CD244: variants seen among roughly 807,000 people sequenced by gnomAD.
CD244 encodes CD244 molecule.
Under a neutral mutation model 45.5 loss-of-function variants are expected in CD244, and 20 were observed. That is an observed-to-expected ratio of 0.44 (90% CI 0.31 to 0.64). The LOEUF is 0.64. Among genes scored for constraint, CD244 ranks in the 30% least tolerant of loss-of-function variants. CD244 has a pLI of 0.08. For missense variants in CD244, 407 were observed against 426.9 expected, an observed-to-expected ratio of 0.95 and a Z score of 0.41; for synonymous variants, 185 against 160.5, an observed-to-expected ratio of 1.15 and a Z score of -1.15.
At chr1:160,852,587 G>T (rs1159680450) in intron 1 of CD244, among the ~76,000 whole-genome samples, 1 of 152,098 alleles carries the variant, frequency 6.6e-6, no homozygotes, top group Admixed American at 6.5e-5. Flanking sequence ...AAATTCCAAG[G>T]GTTGACAGAG....
At chr1:160,833,661 C>G (rs1669218522) in intron 7 of CD244, among the ~76,000 whole-genome samples, 1 of 152,202 alleles carries the variant, frequency 6.6e-6, no homozygotes, top group Non-Finnish European at 1.5e-5. Context: ...GTCTACTCCT[C>G]CAGCTCCAGG....
At chr1:160,853,532 A>G (rs1204652315) in intron 1 of CD244, among the ~76,000 whole-genome samples, 1 of 152,182 alleles carries the variant, frequency 6.6e-6, no homozygotes, top group East Asian at 1.9e-4. Flanking sequence ...GTAAAAAAGC[A>G]GAAAAAGAGT....
At chr1:160,853,369 G>A (rs1449449290) in intron 1 of CD244, among the ~76,000 whole-genome samples, 1 of 152,106 alleles carries the variant, frequency 6.6e-6, no homozygotes, top group South Asian at 2.1e-4. Flanking sequence ...TTGCAGGAGG[G>A]GGGTTATCAA....
intron 1 of CD244, among the ~76,000 whole-genome samples, chr1:160,852,765 G>A (rs1669962556): frequency 2.0e-5 from 3 of 151,964 alleles, no homozygotes; most frequent in Admixed American, 6.6e-5. Flanking sequence ...GCTCATGCCT[G>A]TAATCCCAGC....
At chr1:160,832,408 C>G (rs1326042220) in intron 8 of CD244, 111 bp downstream of exon 8, 2 of 710,640 alleles carry the variant, frequency 2.8e-6, no homozygotes, top group Admixed American at 2.4e-5. Flanking sequence ...TCTAAATTCC[C>G]TACAACTCTG....
chr1:160,838,563 G>A (rs1669413716), intron 4 of CD244, 45 bp from the exon 5 acceptor site: 1 of 1,406,430 alleles, frequency 7.1e-7, no homozygotes, highest in East Asian at 2.3e-5. Context: ...GAAACCTCCA[G>A]AAGGGCTTTT....
intron 1 of CD244, among the ~76,000 whole-genome samples, chr1:160,845,728 C>T (rs188133315): frequency 6.6e-6 from 1 of 152,054 alleles, no homozygotes; most frequent in African/African-American, 2.4e-5. Flanking sequence ...TGGTGGTGCA[C>T]ACCTGTAATC....
At chr1:160,858,896 C>T (rs1670198946) in intron 1 of CD244, among the ~76,000 whole-genome samples, 1 of 152,142 alleles carries the variant, frequency 6.6e-6, no homozygotes, top group South Asian at 2.1e-4. Flanking sequence ...TGACTTGTGG[C>T]AGGTACTGCT....
chr1:160,860,016 G>A (rs773485182), intron 1 of CD244, among the ~76,000 whole-genome samples: 22 of 151,916 alleles, frequency 1.4e-4, no homozygotes, highest in Non-Finnish European at 2.5e-4. Flanking sequence ...AGACCAGCCT[G>A]GCCAACATGG....
intron 4 of CD244, 112 bp downstream of exon 4, chr1:160,838,827 C>T (rs533756325): frequency 1.1e-5 from 8 of 722,352 alleles, no homozygotes; most frequent in South Asian, 9.3e-5. Flanking sequence ...TACCAAAGCT[C>T]GTTGAGGAAA....
intron 1 of CD244, 84 bp downstream of exon 1, chr1:160,862,533 C>A (rs750732225): frequency 1.8e-4 from 229 of 1,238,134 alleles, no homozygotes; most frequent in Non-Finnish European, 2.5e-4. Flanking sequence ...GTATGTGGCA[C>A]AAGCAGAGGC....
rs141666944 is a variant in CD244 at position 160,836,318 on chromosome 1, G to A, written c.835-64C>T. ...TTCGGTCTGTCCAGATTTAGATTGA[G>A]TGGGGAAAAACAGCACAAAGAAGAG... On this transcript the variant is annotated intron_variant, in intron 5 of 8. Transcript: ENST00000368034. The A allele has an allele frequency of 6.1e-6, 8 of 1,315,212 alleles. No homozygotes were observed. In the East Asian group the frequency reaches 1.2e-4, roughly 19 times the overall value. The allele number at this position is 1,315,212 out of a possible 1,614,324, so 81.5% of individuals were successfully genotyped here.
chr1:160,842,865 A>G (rs562122566), intron 1 of CD244, among the ~76,000 whole-genome samples: 3 of 152,202 alleles, frequency 2.0e-5, no homozygotes, highest in Non-Finnish European at 2.9e-5. Flanking sequence ...TCAGTGTACA[A>G]AACTGGAAGT....
At chr1:160,849,302 TA>T (rs1236330042) in intron 1 of CD244, among the ~76,000 whole-genome samples, 8 of 140,144 alleles carry the variant, frequency 5.7e-5, no homozygotes, top group African/African-American at 1.7e-4. Flanking sequence ...TTTTTTGTTT[TA>T]CTTTAAGTTC....
intron 1 of CD244, among the ~76,000 whole-genome samples, chr1:160,842,690 C>A (rs1487475727): frequency 6.6e-6 from 1 of 152,096 alleles, no homozygotes; most frequent in Non-Finnish European, 1.5e-5. Flanking sequence ...TTGATGTTTG[C>A]CAGTTTTTCA....
intron 1 of CD244, chr1:160,848,201 G>T: frequency 1.9e-6 from 1 of 532,336 alleles, no homozygotes; most frequent in South Asian, 1.4e-5. Flanking sequence ...GTGCCAGGAT[G>T]TTGACATCAC....
In CD244 at chr1:160,832,314, C is replaced by A. The variant is rs946463427; in HGVS notation, c.1017+205G>T. ...GCCCAGTAAGTATCATATCTAAACA[C>A]GCAATATGATCTTGGGTCAGACCCT... On this transcript the variant is annotated intron_variant, in intron 8 of 8. Coordinates refer to ENST00000368034, the MANE Select transcript of CD244 (RefSeq NM_016382.4). Among the ~76,000 whole-genome samples, 7 of 152,180 alleles carry A rather than the reference C, an allele frequency of 4.6e-5. 1 individual carries two copies. The highest frequency in any genetic ancestry group is 2.0e-4 in the Admixed American group (3 of 15,270).
At chr1:160,834,808 A>G (rs937463513) in intron 6 of CD244, among the ~76,000 whole-genome samples, 1 of 152,200 alleles carries the variant, frequency 6.6e-6, no homozygotes, top group African/African-American at 2.4e-5. Flanking sequence ...CTCTTTCCTC[A>G]ACACCTCAAT....
Position 160,862,837 on chromosome 1 carries a change from G to C in CD244, c.-160C>G. The C allele has an allele frequency of 1.8e-6, 1 of 560,972 alleles. No individual in the cohort carries two copies. The highest frequency in any genetic ancestry group is 3.1e-6 in the Non-Finnish European group (1 of 320,928). 34.7% of individuals were successfully genotyped at this position (560,972 alleles called of 1,614,324 possible). On this transcript the variant is annotated 5_prime_UTR_variant, in exon 1 of 9. Transcript: ENST00000368034. Reference sequence around the variant, plus strand: ...CCTCAATTAGAGGCTGTTAACGCCTGCTGTGAGCTGACAAGGCCACTGAGA... The same window carrying C: ...CCTCAATTAGAGGCTGTTAACGCCTCCTGTGAGCTGACAAGGCCACTGAGA...
Sources: allele counts gnomAD v4.1 joint callset (sites outside exome capture counted in the v4.1 genomes callset), GRCh38; gene constraint gnomAD v4.1.1; transcripts MANE v1.5; gene names NCBI Gene and HGNC (gene_info 2026-07-23, HGNC 2026-07-21).